Variants in RYR2 observed in about 807,000 individuals in gnomAD.
RYR2 encodes ryanodine receptor 2.
A neutral mutation model predicts 601.1 loss-of-function variants in RYR2; 227 were observed. The observed-to-expected ratio is 0.38, with a 90% CI of 0.34 to 0.42. RYR2 has a LOEUF of 0.42. RYR2 is among the 10% of genes least tolerant of loss of function. The pLI is 1.00. For synonymous variants in RYR2, 2,223 were observed against 2,175.1 expected (o/e 1.02, Z -0.61); for missense variants, 4,646 against 6,156.5 (o/e 0.75, Z 8.21).
intron 1 of RYR2, among the ~76,000 whole-genome samples, chr1:237,178,458 G>GTA (rs1678322499): frequency 1.4e-5 from 2 of 146,070 alleles, no homozygotes; most frequent in South Asian, 4.2e-4. Context: ...GTGTGTGTGT[G>GTA]TGTGTGTGTG....
At chr1:237,604,440 T>C (rs1175660410) in intron 35 of RYR2, among the ~76,000 whole-genome samples, 1 of 151,994 alleles carries the variant, frequency 6.6e-6, no homozygotes, top group Middle Eastern at 3.2e-3. Context: ...GAGGGAAACT[T>C]ATAGCACTAA....
At chr1:237,586,779 GTGCAATCTAGGCTCAC>G (rs1332974080) in intron 29 of RYR2, among the ~76,000 whole-genome samples, 1 of 151,930 alleles carries the variant, frequency 6.6e-6, no homozygotes, top group Non-Finnish European at 1.5e-5. Flanking sequence ...GTGTGTGGTG[GTGCAATCTAGGCTCAC>G]TGCAATGTCC....
At chr1:237,306,154 A>G (rs10925363) in intron 2 of RYR2, among the ~76,000 whole-genome samples, 38,095 of 152,144 alleles carry the variant, frequency 0.25, 5,783 homozygotes, top group South Asian at 0.37. Flanking sequence ...CTAGGACTAG[A>G]TTATTAAATA....
intron 16 of RYR2, among the ~76,000 whole-genome samples, chr1:237,461,032 A>C (rs1659420215): frequency 6.6e-6 from 1 of 152,198 alleles, no homozygotes; most frequent in South Asian, 2.1e-4. Flanking sequence ...AACTTTACTT[A>C]GATTTGTTGG....
chr1:237,192,536 A>G (rs529566206), intron 1 of RYR2, among the ~76,000 whole-genome samples: 1 of 152,330 alleles, frequency 6.6e-6, no homozygotes, highest in African/African-American at 2.4e-5. Context: ...TTTAGATAGC[A>G]TATAATAAAT....
chr1:237,334,975 G>T (rs1359623738), intron 3 of RYR2, among the ~76,000 whole-genome samples: 1 of 152,114 alleles, frequency 6.6e-6, no homozygotes, highest in African/African-American at 2.4e-5. Context: ...TGTTATTATT[G>T]TTTTATTTAT....
intron 92 of RYR2, 127 bp from the exon 93 acceptor site, chr1:237,791,302 A>G: frequency 1.6e-6 from 1 of 638,484 alleles, no homozygotes; most frequent in Non-Finnish European, 2.9e-6. Flanking sequence ...AGCACCAAGA[A>G]TGGTGCTTGA....
intron 24 of RYR2, among the ~76,000 whole-genome samples, chr1:237,519,393 T>G (rs1343216885): frequency 6.6e-6 from 1 of 152,184 alleles, no homozygotes; most frequent in Non-Finnish European, 1.5e-5. Context: ...GATTTTCTTC[T>G]AGTATTTTTA....
At chr1:237,141,484 C>T (rs1396419457) in intron 1 of RYR2, among the ~76,000 whole-genome samples, 1 of 152,096 alleles carries the variant, frequency 6.6e-6, no homozygotes, top group East Asian at 1.9e-4. Context: ...TAGTCTGGGA[C>T]CTTTAGTGAC....
At chr1:237,773,692 T>C in intron 87 of RYR2, 44 bp downstream of exon 87, 1 of 1,560,388 alleles carries the variant, frequency 6.4e-7, no homozygotes, top group Middle Eastern at 1.7e-4. Flanking sequence ...CTGAACTCCA[T>C]AGAAAAATGC....
chr1:237,165,643 G>A (rs1383338066), intron 1 of RYR2, among the ~76,000 whole-genome samples: 3 of 152,084 alleles, frequency 2.0e-5, no homozygotes, highest in East Asian at 1.9e-4. Context: ...GTAGAAGGAC[G>A]GGTTGAGACC....
chr1:237,364,223 TG>T lies in RYR2; in HGVS notation c.295-134del, dbSNP rs201614806. The T allele has an allele frequency of 9.4e-4, 633 of 673,092 alleles. 2 individuals carry two copies. The East Asian group carries it at 0.012, about 13-fold the overall frequency. 41.7% of individuals were successfully genotyped at this position (673,092 alleles called of 1,614,324 possible). On this transcript the variant is annotated intron_variant, in intron 4 of 104. Transcript: ENST00000366574. ...AGTTTTGTTGCGATAACATGGTGAATGTTTTTTTTTATGTTTATTGTTTACA... is the reference window on the plus strand; with the variant it reads ...AGTTTTGTTGCGATAACATGGTGAATTTTTTTTTTATGTTTATTGTTTACA...
chr1:237,058,839 G>A (rs1220554277), intron 1 of RYR2, among the ~76,000 whole-genome samples: 1 of 151,968 alleles, frequency 6.6e-6, no homozygotes, highest in African/African-American at 2.4e-5. Context: ...CAATCAGGTA[G>A]CAATTAGAAG....
intron 1 of RYR2, among the ~76,000 whole-genome samples, chr1:237,123,014 G>C (rs1670985018): frequency 6.6e-6 from 1 of 152,162 alleles, no homozygotes; most frequent in Non-Finnish European, 1.5e-5. Context: ...AGGCTATAGG[G>C]GTGGATTGTG....
At chr1:237,061,953 A>G (rs965738234) in intron 1 of RYR2, among the ~76,000 whole-genome samples, 1 of 152,184 alleles carries the variant, frequency 6.6e-6, no homozygotes, top group East Asian at 1.9e-4. Flanking sequence ...CCCTCCACCT[A>G]TGGATGTCCA....
At chr1:237,480,584 G>A (rs1661939021) in intron 17 of RYR2, among the ~76,000 whole-genome samples, 1 of 132,318 alleles carries the variant, frequency 7.6e-6, no homozygotes, top group Non-Finnish European at 1.6e-5. Flanking sequence ...AACTTCTATA[G>A]TTTGTCTATT....
intron 17 of RYR2, among the ~76,000 whole-genome samples, chr1:237,487,001 T>A (rs903330044): frequency 6.6e-6 from 1 of 152,150 alleles, no homozygotes; most frequent in Non-Finnish European, 1.5e-5. Context: ...AACATAAAAT[T>A]CAATTGTTTT....
intron 2 of RYR2, among the ~76,000 whole-genome samples, chr1:237,281,928 A>T (rs202110326): frequency 3.9e-5 from 6 of 151,980 alleles, no homozygotes; most frequent in Admixed American, 3.3e-4. Flanking sequence ...TGAAAACTAC[A>T]CTTGGAGTAT....
intron 11 of RYR2, among the ~76,000 whole-genome samples, chr1:237,418,785 CT>C (rs1261034109): frequency 6.6e-6 from 1 of 151,886 alleles, no homozygotes; most frequent in East Asian, 1.9e-4. Context: ...TTAAAAAGCT[CT>C]TCTATATTGT....
Sources: gnomAD v4.1 joint callset for allele counts (sites outside exome capture counted in the v4.1 genomes callset) on GRCh38, gnomAD v4.1.1 for gene constraint, MANE v1.5 for transcripts, NCBI Gene and HGNC (gene_info 2026-07-23, HGNC 2026-07-21) for gene names.